CLEC2A: variants seen among roughly 807,000 people sequenced by gnomAD.
CLEC2A encodes keratinocyte-associated C-type lectin.
A neutral mutation model predicts 18.6 loss-of-function variants in CLEC2A; 19 were observed. That is an observed-to-expected ratio of 1.02 (90% CI 0.71 to 1.50). CLEC2A has a LOEUF of 1.50. Among genes scored for constraint, CLEC2A ranks in the 40% most tolerant of loss-of-function variants. The pLI, the probability that CLEC2A is intolerant of heterozygous loss-of-function variation, is 0.00. For missense variants in CLEC2A, 190 were observed against 207.9 expected (o/e 0.91, Z 0.53); for synonymous variants, 74 against 64.0 (o/e 1.16, Z -0.75).
At chr12:9,888,846 C>T in the CLEC2A span, 1 of 934,364 alleles carries the variant, frequency 1.1e-6, no homozygotes, top group East Asian at 2.6e-5. Flanking sequence ...TTCCCTCTTC[C>T]TGGCGTTCAC....
intron 4 of CLEC2A, among the ~76,000 whole-genome samples, chr12:9,916,408 A>G (rs1397659405): frequency 6.6e-6 from 1 of 152,166 alleles, no homozygotes; most frequent in Middle Eastern, 3.2e-3. Flanking sequence ...TTAAATTTGA[A>G]TTAGCAAAAG....
chr12:9,920,286 G>T (rs576118060), intron 3 of CLEC2A, among the ~76,000 whole-genome samples: 1 of 152,284 alleles, frequency 6.6e-6, no homozygotes, highest in South Asian at 2.1e-4. Flanking sequence ...TTGCTGGGAA[G>T]CCTGGAACTC....
At chr12:9,888,287 G>A in the CLEC2A span, among the ~76,000 whole-genome samples, 3 of 151,542 alleles carry the variant, frequency 2.0e-5, no homozygotes, top group Admixed American at 6.6e-5. Context: ...TCAGGAGATC[G>A]AGACCATCCT....
the CLEC2A span, among the ~76,000 whole-genome samples, chr12:9,879,767 T>C: frequency 6.6e-6 from 1 of 152,210 alleles, no homozygotes; most frequent in African/African-American, 2.4e-5. Context: ...TCACCACCAT[T>C]AACTTGATCC....
intron 4 of CLEC2A, among the ~76,000 whole-genome samples, chr12:9,905,887 A>T (rs1385307675): frequency 6.6e-6 from 1 of 152,182 alleles, no homozygotes; most frequent in Non-Finnish European, 1.5e-5. Flanking sequence ...AAATGAGGTG[A>T]TCCACTATTA....
chr12:9,903,729 A>G (rs1312703548), intron 4 of CLEC2A, among the ~76,000 whole-genome samples: 2 of 152,168 alleles, frequency 1.3e-5, no homozygotes, highest in Non-Finnish European at 2.9e-5. Context: ...GTTGTAATAG[A>G]TGTAATTTAT....
At chr12:9,924,232 TTA>T (rs1863226170) in intron 2 of CLEC2A, among the ~76,000 whole-genome samples, 1 of 151,724 alleles carries the variant, frequency 6.6e-6, no homozygotes, top group Non-Finnish European at 1.5e-5. Context: ...GAGCTTTTCT[TTA>T]TATGTTTACT....
At chr12:9,906,243 T>G (rs1862906754) in intron 4 of CLEC2A, among the ~76,000 whole-genome samples, 1 of 152,152 alleles carries the variant, frequency 6.6e-6, no homozygotes, top group South Asian at 2.1e-4. Context: ...GTAGCTCATA[T>G]TTTGATTAAT....
At position 9,917,646 on chromosome 12, in the gene CLEC2A, T is replaced by C. The variant is rs530858201; in HGVS notation, c.307-843A>G. Among the ~76,000 whole-genome samples the C allele has an allele frequency of 1.1e-4, 17 of 152,316 alleles. No individual in the cohort carries two copies. In the South Asian group the frequency reaches 2.9e-3, roughly 26 times the overall value. ...AATCACGTAAACACCACCGCAACCA[T>C]TGTTGTTCTGGTTTTAGCTCTTTGA... is the stretch of plus-strand genomic sequence containing the variant. On this transcript the variant is annotated intron_variant, in intron 3 of 4. Transcript: ENST00000455827.
the CLEC2A span, among the ~76,000 whole-genome samples, chr12:9,882,162 G>A: frequency 1.3e-5 from 2 of 152,112 alleles, no homozygotes; most frequent in Admixed American, 1.3e-4. Flanking sequence ...TCTGTGGTTG[G>A]CTTTGTTTGC....
rs570639773 is a variant in CLEC2A at position 9,917,626 on chromosome 12, C to T, written c.307-823G>A. On this transcript the variant is annotated intron_variant, in intron 3 of 4. Transcript: ENST00000455827. Reference sequence around the variant, plus strand: ...TAACAAAAGAATCATAAGTCAATCACGTAAACACCACCGCAACCATTGTTG... The same window carrying T: ...TAACAAAAGAATCATAAGTCAATCATGTAAACACCACCGCAACCATTGTTG... Among the ~76,000 whole-genome samples the T allele has an allele frequency of 4.0e-4, 60 of 151,812 alleles. 1 individual carries two copies. In the South Asian group the frequency reaches 0.011, roughly 28 times the overall value.
downstream of CLEC2A, among the ~76,000 whole-genome samples, chr12:9,897,052 G>T (rs1862764593): frequency 6.6e-6 from 1 of 151,776 alleles, no homozygotes; most frequent in Admixed American, 6.6e-5. Flanking sequence ...TAGAGACGAG[G>T]TTTCACCATG....
intron 2 of CLEC2A, among the ~76,000 whole-genome samples, chr12:9,923,033 G>A (rs1196078000): frequency 6.6e-6 from 1 of 152,054 alleles, no homozygotes; most frequent in Non-Finnish European, 1.5e-5. Context: ...GTTGTGTTTT[G>A]TTTTGTTAAA....
chr12:9,885,037 G>T, the CLEC2A span: 1 of 1,148,492 alleles, frequency 8.7e-7, no homozygotes. Flanking sequence ...TCTGGCGTGA[G>T]TAGTAAATTT....
rs564873076 is a variant in CLEC2A, at chr12:9,926,295, C to G, written c.104G>C (p.Ser35Thr). 1.3e-6 allele frequency: 2 copies of G among 1,549,446 alleles called. No individual in the cohort carries two copies. Among genetic ancestry groups the G allele is most frequent in the South Asian group, 2.4e-5 (2 of 84,006 alleles). ...NWKIGLMCFL[S>T]IIITTVCIIM... ...AATGCAAACTGTAGTAATAATAATACTCAGGAAGCACATAAGGCCAATCTT... is the reference window on the plus strand; with the variant it reads ...AATGCAAACTGTAGTAATAATAATAGTCAGGAAGCACATAAGGCCAATCTT... Residue 35 changes from serine (S) to threonine (T), a missense_variant, in exon 2 of 5, where the codon AGT becomes ACT. Coordinates refer to ENST00000455827, the MANE Select transcript of CLEC2A (RefSeq NM_001130711.2).
chr12:9,894,143 TC>T (rs1862725484), downstream of CLEC2A, among the ~76,000 whole-genome samples: 1 of 150,192 alleles, frequency 6.7e-6, no homozygotes, highest in African/African-American at 2.5e-5. Context: ...TCTCTCTCTC[TC>T]TCTCTCTCTC....
chr12:9,915,473 C>G (rs1216228545), intron 4 of CLEC2A, among the ~76,000 whole-genome samples: 1 of 151,870 alleles, frequency 6.6e-6, no homozygotes, highest in Non-Finnish European at 1.5e-5. Context: ...CAAAGATAGA[C>G]TGGTTAAAAA....
chr12:9,919,530 A>G (rs1863129597), intron 3 of CLEC2A, among the ~76,000 whole-genome samples: 1 of 152,232 alleles, frequency 6.6e-6, no homozygotes, highest in Non-Finnish European at 1.5e-5. Context: ...GCAGTGGCAG[A>G]GAGGTTTCCT....
At chr12:9,930,356 C>G (rs1414087247) in intron 1 of CLEC2A, among the ~76,000 whole-genome samples, 1 of 151,986 alleles carries the variant, frequency 6.6e-6, no homozygotes, top group East Asian at 1.9e-4. Flanking sequence ...CAGAGTTTGC[C>G]CCATAATAAT....
Sources: gnomAD v4.1 joint callset for allele counts (sites outside exome capture counted in the v4.1 genomes callset) on GRCh38, gnomAD v4.1.1 for gene constraint, MANE v1.5 for transcripts, NCBI Gene and HGNC (gene_info 2026-07-23, HGNC 2026-07-21) for gene names.